TMOD1: variants seen among roughly 807,000 people sequenced by gnomAD.
TMOD1 encodes tropomodulin 1.
In TMOD1, 17 loss-of-function variants were observed where a neutral mutation model predicts 40.6. The ratio of observed to expected loss-of-function variants is 0.42; its 90% CI spans 0.29 to 0.63. The LOEUF (loss-of-function observed/expected upper bound fraction) is 0.63. Among genes scored for constraint, TMOD1 ranks in the 20% least tolerant of loss-of-function variants. The probability of loss-of-function intolerance (pLI) is 0.22; values close to 1 mark genes in which losing one functional copy is unlikely to be tolerated. For synonymous variants in TMOD1, 181 were observed against 175.0 expected (o/e 1.03, Z -0.27); for missense variants, 391 against 447.6 (o/e 0.87, Z 1.14).
chr9:97,563,636 A>G (rs57936385), intron 5 of TMOD1, among the ~76,000 whole-genome samples: 13,285 of 152,162 alleles, frequency 0.087, 1,989 homozygotes, highest in African/African-American at 0.3. Context: ...CCCCAAACAG[A>G]AATGAGGCTG....
intron 6 of TMOD1, among the ~76,000 whole-genome samples, chr9:97,564,485 G>C (rs1033653959): frequency 1.3e-5 from 2 of 152,192 alleles, no homozygotes; most frequent in African/African-American, 4.8e-5. Context: ...GATTCTCCGA[G>C]ATAAAATCAT....
Position 97,599,919 on chromosome 9 carries a change from T to TATTA in TMOD1, c.*222_*225dup, listed in dbSNP as rs1564003622. On this transcript the variant is annotated 3_prime_UTR_variant, in exon 10 of 10. Transcript: ENST00000259365. ...TTTAGTCACAGAAGTTGAATCTGGT[T>TATTA]ATTATTTAAAAACTAGAAGCCCCCA... The TATTA allele has an allele frequency of 2.1e-5, 27 of 1,314,352 alleles. No homozygotes were observed. The highest frequency in any genetic ancestry group is 2.5e-5 in the Non-Finnish European group (26 of 1,025,348). 81.4% of individuals were successfully genotyped at this position (1,314,352 alleles called of 1,614,324 possible).
intron 9 of TMOD1, among the ~76,000 whole-genome samples, chr9:97,597,775 C>G (rs966025480): frequency 6.6e-6 from 1 of 150,690 alleles, no homozygotes; most frequent in Non-Finnish European, 1.5e-5. Context: ...CCAGTGGACA[C>G]AATGAGGGCA....
chr9:97,586,710 C>A (rs574554757), intron 8 of TMOD1, among the ~76,000 whole-genome samples: 1 of 152,128 alleles, frequency 6.6e-6, no homozygotes, highest in Non-Finnish European at 1.5e-5. Flanking sequence ...TCTCGTGGTG[C>A]GCCATTTTTT....
chr9:97,513,577 C>G lies in TMOD1; in HGVS notation c.-48-10564C>G, dbSNP rs1051547322. 2 of 152,188 alleles carry G rather than the reference C, an allele frequency of 1.3e-5. No individual in the cohort carries two copies. Among genetic ancestry groups the G allele is most frequent in the Non-Finnish European group, 2.9e-5 (2 of 68,044 alleles). The allele number at this position is 152,188 out of a possible 1,614,324, so 9.4% of individuals were successfully genotyped here. ...ATTATCCCAGGATCTCTGTGTGAGT[C>G]TTATCTCCCCATGTTAATTATAAGC... On this transcript the variant is annotated intron_variant, in intron 1 of 9. Coordinates refer to ENST00000259365, the MANE Select transcript of TMOD1 (RefSeq NM_003275.4). This position sits in a 1 kb window ranked among gnomAD's most constrained non-coding sequence, Gnocchi z 4.1.
Position 97,600,763 on chromosome 9 carries a change from A to T in TMOD1, c.*1065A>T, listed in dbSNP as rs1587971846. On this transcript the variant is annotated 3_prime_UTR_variant, in exon 10 of 10. Transcript: ENST00000259365. ...GGAATTGGGAAATCCTGGCCAAACC[A>T]CCCCAAGATGATTACACTGAAATGT... is the stretch of plus-strand genomic sequence containing the variant. 3 of 1,008,172 alleles carry T rather than the reference A, an allele frequency of 3.0e-6. No individual in the cohort carries two copies. The highest frequency in any genetic ancestry group is 3.6e-6 in the Non-Finnish European group (3 of 843,510). The allele number at this position is 1,008,172 out of a possible 1,614,324, so 62.5% of individuals were successfully genotyped here. A position where few individuals can be genotyped will look rare whatever the true frequency, so the allele number is the denominator to read the frequency against.
intron 1 of TMOD1, among the ~76,000 whole-genome samples, chr9:97,522,988 C>T (rs1829940562): frequency 6.6e-6 from 1 of 152,172 alleles, no homozygotes; most frequent in South Asian, 2.1e-4. Context: ...TCAGCGGAGG[C>T]AGTGTGGTGG....
intron 5 of TMOD1, among the ~76,000 whole-genome samples, chr9:97,563,116 C>G (rs1830665663): frequency 6.6e-6 from 1 of 152,172 alleles, no homozygotes; most frequent in Non-Finnish European, 1.5e-5. Context: ...TGCATTGGCA[C>G]AATCTTGACA....
chr9:97,574,319 G>A (rs1587952373), intron 8 of TMOD1, among the ~76,000 whole-genome samples: 1 of 152,022 alleles, frequency 6.6e-6, no homozygotes, highest in Admixed American at 6.6e-5. Context: ...CGGAGCGGCC[G>A]GCCGACCCCG....
At chr9:97,530,028 T>C (rs1830074891) in intron 2 of TMOD1, among the ~76,000 whole-genome samples, 1 of 152,168 alleles carries the variant, frequency 6.6e-6, no homozygotes. Flanking sequence ...GATTCCAACC[T>C]AGACAGTCTT....
At chr9:97,543,196 A>G (rs1214458838) in intron 2 of TMOD1, among the ~76,000 whole-genome samples, 1 of 152,250 alleles carries the variant, frequency 6.6e-6, no homozygotes, top group African/African-American at 2.4e-5. Context: ...ATGCCCCAGC[A>G]TCTTACTGCC....
intron 4 of TMOD1, among the ~76,000 whole-genome samples, chr9:97,560,669 G>GTGTA (rs1830624934): frequency 1.4e-5 from 2 of 144,758 alleles, no homozygotes; most frequent in African/African-American, 5.1e-5. Context: ...TTTTTGTATT[G>GTGTA]TATATATATA....
At chr9:97,530,125 G>A (rs758163218) in intron 2 of TMOD1, among the ~76,000 whole-genome samples, 4 of 152,162 alleles carry the variant, frequency 2.6e-5, no homozygotes, top group Admixed American at 6.5e-5. Flanking sequence ...GGAATTATGC[G>A]TAAATTCTTA....
intron 9 of TMOD1, 61 bp downstream of exon 9, chr9:97,591,496 G>C: frequency 6.4e-7 from 1 of 1,559,386 alleles, no homozygotes; most frequent in Non-Finnish European, 8.7e-7. Flanking sequence ...ACCTGTGCTG[G>C]GGATGTCAGG....
chr9:97,592,965 A>G (rs2131293817), intron 9 of TMOD1, among the ~76,000 whole-genome samples: 1 of 152,364 alleles, frequency 6.6e-6, no homozygotes, highest in East Asian at 1.9e-4. Context: ...AACAAACACA[A>G]ATAAGAATCA....
At chr9:97,596,158 C>T (rs1826105506) in intron 9 of TMOD1, among the ~76,000 whole-genome samples, 1 of 152,140 alleles carries the variant, frequency 6.6e-6, no homozygotes, top group South Asian at 2.1e-4. Context: ...CTAGATGCTG[C>T]CTCCACCCCA....
At chr9:97,570,398 C>A (rs755448003) in intron 8 of TMOD1, among the ~76,000 whole-genome samples, 4 of 152,236 alleles carry the variant, frequency 2.6e-5, no homozygotes, top group African/African-American at 4.8e-5. Flanking sequence ...AACCAGCTTG[C>A]AAGATCTGAT....
chr9:97,553,452 A>T, intron 4 of TMOD1, 52 bp downstream of exon 4: 4 of 1,610,988 alleles, frequency 2.5e-6, no homozygotes, highest in Non-Finnish European at 3.4e-6. Flanking sequence ...TTTGACCCAC[A>T]TCTGCAGGGA....
intron 9 of TMOD1, among the ~76,000 whole-genome samples, chr9:97,592,291 C>T (rs1564001288): frequency 6.6e-6 from 1 of 151,942 alleles, no homozygotes; most frequent in African/African-American, 2.4e-5. Context: ...GGAAAAAAAA[C>T]AAGAAAAGCA....
Sources: gnomAD v4.1 joint callset for allele counts (sites outside exome capture counted in the v4.1 genomes callset) on GRCh38, gnomAD v4.1.1 for gene constraint, Gnocchi (gnomAD v3.1) non-coding constraint, MANE v1.5 for transcripts, NCBI Gene and HGNC (gene_info 2026-07-23, HGNC 2026-07-21) for gene names.